Variants in TACC1 observed in about 807,000 individuals in gnomAD.
TACC1 encodes the protein transforming acidic coiled-coil containing protein 1.
In TACC1, 48 loss-of-function variants were observed where a neutral mutation model predicts 84.4. The ratio of observed to expected loss-of-function variants is 0.57; its 90% CI spans 0.45 to 0.72. The LOEUF (loss-of-function observed/expected upper bound fraction) is 0.72, where lower values mean the gene tolerates loss of function less well. TACC1 is among the 30% of genes least tolerant of loss of function. The pLI is 0.00. For synonymous variants in TACC1, 372 were observed against 376.3 expected, an observed-to-expected ratio of 0.99 and a Z score of 0.13; for missense variants, 920 against 973.0, an observed-to-expected ratio of 0.95 and a Z score of 0.72.
At chr8:38,792,371 G>T (rs1301159825) in intron 2 of TACC1, among the ~76,000 whole-genome samples, 1 of 152,214 alleles carries the variant, frequency 6.6e-6, no homozygotes, top group East Asian at 1.9e-4. Context: ...ATAGCTTACT[G>T]CAGCCTCCAA....
intron 2 of TACC1, among the ~76,000 whole-genome samples, chr8:38,814,443 C>T (rs1824952321): frequency 6.6e-6 from 1 of 152,184 alleles, no homozygotes; most frequent in Non-Finnish European, 1.5e-5. Flanking sequence ...TGTTTAGATA[C>T]ACAAATACTT....
chr8:38,758,905 C>T (rs967852605), intron 3 of TACC1, among the ~76,000 whole-genome samples: 1 of 152,110 alleles, frequency 6.6e-6, no homozygotes, highest in African/African-American at 2.4e-5. Context: ...GCTCATGCCG[C>T]AGCCGCCTCC....
At chr8:38,834,170 G>T (rs1349901500) in intron 6 of TACC1, among the ~76,000 whole-genome samples, 3 of 152,188 alleles carry the variant, frequency 2.0e-5, no homozygotes, top group Non-Finnish European at 4.4e-5. Flanking sequence ...TGCAATCCAG[G>T]TGTTGATCAG....
At chr8:38,774,458 A>T (rs896116132) in intron 3 of TACC1, among the ~76,000 whole-genome samples, 1 of 152,122 alleles carries the variant, frequency 6.6e-6, no homozygotes, top group Non-Finnish European at 1.5e-5. Context: ...CATATGTATT[A>T]TTTTGCCTTA....
At chr8:38,762,572 G>C (rs6995577) in intron 3 of TACC1, among the ~76,000 whole-genome samples, 1 of 143,936 alleles carries the variant, frequency 6.9e-6, no homozygotes. Flanking sequence ...TGTTTTTTTT[G>C]GGGGGACAGA....
intron 9 of TACC1, 120 bp downstream of exon 9, chr8:38,840,387 C>T (rs1563950885): frequency 1.1e-6 from 1 of 875,160 alleles, no homozygotes. Flanking sequence ...TTTTTCATAG[C>T]TCTGGAGACA....
At chr8:38,846,870 C>T (rs1832417063) in intron 12 of TACC1, 51 bp downstream of exon 12, 1 of 1,602,808 alleles carries the variant, frequency 6.2e-7, no homozygotes, top group East Asian at 2.2e-5. Context: ...TGGTTTTCCT[C>T]CTCAGCAGTG....
intron 3 of TACC1, among the ~76,000 whole-genome samples, chr8:38,751,918 G>C (rs1028637219): frequency 2.0e-5 from 3 of 152,128 alleles, no homozygotes; most frequent in African/African-American, 7.2e-5. Flanking sequence ...CAGAATCTGA[G>C]CACATAAAAA....
intron 3 of TACC1, among the ~76,000 whole-genome samples, chr8:38,771,345 A>C (rs2151889811): frequency 6.6e-6 from 1 of 152,260 alleles, no homozygotes; most frequent in East Asian, 1.9e-4. Flanking sequence ...AAGGACAGAA[A>C]ATCCCTCTTC....
intron 2 of TACC1, among the ~76,000 whole-genome samples, chr8:38,800,516 T>C (rs1019821236): frequency 1.3e-5 from 2 of 152,218 alleles, no homozygotes; most frequent in African/African-American, 4.8e-5. Flanking sequence ...TAGTAGAATA[T>C]GTAGTCTTGT....
At chr8:38,799,204 G>A (rs961466452) in intron 2 of TACC1, among the ~76,000 whole-genome samples, 4 of 152,234 alleles carry the variant, frequency 2.6e-5, no homozygotes, top group African/African-American at 9.6e-5. Flanking sequence ...TCAGGGCAAA[G>A]GGCCAAGGGA....
At chr8:38,815,489 G>A (rs1038417395) in intron 2 of TACC1, among the ~76,000 whole-genome samples, 3 of 151,878 alleles carry the variant, frequency 2.0e-5, no homozygotes, top group African/African-American at 7.3e-5. Flanking sequence ...GTGCGATCTC[G>A]GCTCACTGCA....
At chr8:38,785,454 T>TCA (rs955376414), upstream of TACC1, among the ~76,000 whole-genome samples, 9 of 152,068 alleles carry the variant, frequency 5.9e-5, no homozygotes, top group African/African-American at 2.2e-4. Context: ...AGAGCACGAG[T>TCA]CACTGATCAG....
intron 4 of TACC1, 80 bp downstream of exon 4, chr8:38,825,448 T>A (rs1411855870): frequency 6.7e-7 from 1 of 1,502,800 alleles, no homozygotes; most frequent in Non-Finnish European, 9.3e-7. Context: ...GGCGGGTGGT[T>A]CAAAAGGACT....
At chr8:38,763,884 C>G (rs1486089466) in intron 3 of TACC1, among the ~76,000 whole-genome samples, 1 of 152,116 alleles carries the variant, frequency 6.6e-6, no homozygotes, top group Non-Finnish European at 1.5e-5. Flanking sequence ...AATAAACATC[C>G]TTGTAATTCT....
chr8:38,776,139 AT>A (rs1230103385), intron 3 of TACC1, among the ~76,000 whole-genome samples: 1 of 152,218 alleles, frequency 6.6e-6, no homozygotes, highest in Non-Finnish European at 1.5e-5. Context: ...CCCAAAGAAA[AT>A]AATAACCTTC....
At chr8:38,840,680 T>A (rs758420541) in intron 9 of TACC1, 15 of 157,960 alleles carry the variant, frequency 9.5e-5, no homozygotes, top group Non-Finnish European at 1.5e-4. Context: ...TGTCTGTCAC[T>A]TAGATACAGT....
At chr8:38,777,051 T>G (rs997912921) in intron 3 of TACC1, among the ~76,000 whole-genome samples, 1 of 151,434 alleles carries the variant, frequency 6.6e-6, no homozygotes, top group Admixed American at 6.6e-5. Flanking sequence ...AGGTCAGGAG[T>G]TCGATACCAG....
chr8:38,822,758 A>C (rs1273297576), intron 3 of TACC1, among the ~76,000 whole-genome samples: 1 of 152,200 alleles, frequency 6.6e-6, no homozygotes, highest in Non-Finnish European at 1.5e-5. Context: ...AAACTAAGAC[A>C]CAGACACACA....
Sources: allele counts gnomAD v4.1 joint callset (sites outside exome capture counted in the v4.1 genomes callset), GRCh38; gene constraint gnomAD v4.1.1; transcripts MANE v1.5; gene names NCBI Gene and HGNC (gene_info 2026-07-23, HGNC 2026-07-21).